The following ABCC4 variants were observed in gnomAD, a reference collection of about 807,000 sequenced individuals.
ABCC4 encodes ATP-binding cassette sub-family C member 4.
ABCC4 carries 102 observed loss-of-function variants against 168.5 expected under a neutral mutation model. That is an observed-to-expected ratio of 0.61 (90% CI 0.52 to 0.71). The LOEUF is 0.71. ABCC4 is among the 30% of genes least tolerant of loss of function. ABCC4 has a pLI of 0.00. For synonymous variants in ABCC4, 617 were observed against 590.7 expected, an observed-to-expected ratio of 1.04 and a Z score of -0.65; for missense variants, 1,402 against 1,605.8, an observed-to-expected ratio of 0.87 and a Z score of 2.17.
At chr13:95,122,861 T>C (rs1013512369) in intron 19 of ABCC4, among the ~76,000 whole-genome samples, 2 of 152,176 alleles carry the variant, frequency 1.3e-5, no homozygotes, top group African/African-American at 2.4e-5. Context: ...CTACCAAAAA[T>C]ACAAAACTTA....
intron 19 of ABCC4, among the ~76,000 whole-genome samples, chr13:95,139,041 T>C (rs1326650078): frequency 6.6e-6 from 1 of 152,218 alleles, no homozygotes; most frequent in East Asian, 1.9e-4. Flanking sequence ...GGCCTCTCCT[T>C]CCACGGAGCC....
At chr13:95,210,306 C>G (rs1014621186) in intron 5 of ABCC4, among the ~76,000 whole-genome samples, 2 of 152,176 alleles carry the variant, frequency 1.3e-5, no homozygotes, top group Non-Finnish European at 2.9e-5. Context: ...AGGCGTGATC[C>G]CTTCTCTACA....
chr13:95,177,947 T>C (rs2037762955), intron 12 of ABCC4, 50 bp downstream of exon 12: 1 of 1,584,900 alleles, frequency 6.3e-7, no homozygotes, highest in South Asian at 1.1e-5. Context: ...TCACCACCAC[T>C]GGAAGGTATC....
chr13:95,179,983 C>G (rs2037835307), intron 11 of ABCC4, among the ~76,000 whole-genome samples: 1 of 152,164 alleles, frequency 6.6e-6, no homozygotes, highest in Admixed American at 6.5e-5. Context: ...CTATTGATGA[C>G]TATGACATAT....
Position 95,038,708 on chromosome 13 carries a change from C to T in ABCC4, c.3736-3969G>A, listed in dbSNP as rs183412742. On this transcript the variant is annotated intron_variant, in intron 29 of 30. Coordinates refer to ENST00000645237, the MANE Select transcript of ABCC4 (RefSeq NM_005845.5). Reference sequence around the variant, plus strand: ...CTCCATGGCCTGGCATTGCACATGACGTGTGAGCAGGCACCCCATGCACAC... The same window carrying T: ...CTCCATGGCCTGGCATTGCACATGATGTGTGAGCAGGCACCCCATGCACAC... 4.5e-4 allele frequency among the ~76,000 whole-genome samples: 68 copies of T among 152,272 alleles called. No individual in the cohort carries two copies. The East Asian group carries it at 8.7e-3, about 19-fold the overall frequency.
intron 13 of ABCC4, among the ~76,000 whole-genome samples, chr13:95,173,909 C>T (rs1383478578): frequency 6.6e-6 from 1 of 152,192 alleles, no homozygotes; most frequent in South Asian, 2.1e-4. Flanking sequence ...TGAACCAGAG[C>T]GTGAGCCCTC....
intron 19 of ABCC4, among the ~76,000 whole-genome samples, chr13:95,154,647 A>G (rs567315919): frequency 6.6e-6 from 1 of 152,356 alleles, no homozygotes; most frequent in South Asian, 2.1e-4. Flanking sequence ...CTGTGTCAAA[A>G]CAACACCTAC....
chr13:95,288,974 C>T (rs1173573082), intron 1 of ABCC4, among the ~76,000 whole-genome samples: 1 of 152,150 alleles, frequency 6.6e-6, no homozygotes, highest in Admixed American at 6.5e-5. Flanking sequence ...ATTGAGAGCT[C>T]TCCAGGCCCA....
At chr13:95,168,899 T>A (rs1757998824) in intron 14 of ABCC4, among the ~76,000 whole-genome samples, 1 of 152,188 alleles carries the variant, frequency 6.6e-6, no homozygotes, top group African/African-American at 2.4e-5. Context: ...TGTGGCCTTT[T>A]TTTTCAAAAC....
At chr13:95,153,065 G>A (rs919353811) in intron 19 of ABCC4, among the ~76,000 whole-genome samples, 1 of 152,132 alleles carries the variant, frequency 6.6e-6, no homozygotes, top group Non-Finnish European at 1.5e-5. Flanking sequence ...ACTGCAAGTG[G>A]CTAATGGAAT....
chr13:95,066,800 T>C (rs2139297596), intron 25 of ABCC4, among the ~76,000 whole-genome samples: 1 of 152,344 alleles, frequency 6.6e-6, no homozygotes, highest in East Asian at 1.9e-4. Flanking sequence ...TGGCTCTGTA[T>C]TCCCTTGGTG....
intron 6 of ABCC4, 120 bp downstream of exon 6, chr13:95,209,314 G>T: frequency 8.4e-7 from 1 of 1,197,308 alleles, no homozygotes; most frequent in Non-Finnish European, 1.2e-6. Context: ...CTGAAGAGCT[G>T]CAACATATGC....
chr13:95,098,549 C>G (rs1292924973), intron 20 of ABCC4, among the ~76,000 whole-genome samples: 1 of 152,122 alleles, frequency 6.6e-6, no homozygotes, highest in Non-Finnish European at 1.5e-5. Context: ...AGATTATGAA[C>G]AGTTTCATGC....
At chr13:95,075,275 A>G in intron 22 of ABCC4, 157 bp downstream of exon 22, 1 of 937,342 alleles carries the variant, frequency 1.1e-6, no homozygotes, top group Non-Finnish European at 1.6e-6. Flanking sequence ...CCAAGCCCAG[A>G]AGAAGGGGAT....
At chr13:95,196,634 A>G (rs867649615) in intron 8 of ABCC4, among the ~76,000 whole-genome samples, 13 of 8,314 alleles carry the variant, frequency 1.6e-3, no homozygotes, top group East Asian at 3.8e-3. Context: ...GGAAGGAAGG[A>G]AGGAAGGAAG....
At chr13:95,074,120 TGTA>T in intron 23 of ABCC4, 91 bp downstream of exon 23, 1 of 927,866 alleles carries the variant, frequency 1.1e-6, no homozygotes, top group Non-Finnish European at 1.6e-6. Context: ...CCAAACAGTA[TGTA>T]GTAGTAGACA....
intron 8 of ABCC4, among the ~76,000 whole-genome samples, chr13:95,200,450 G>A (rs891092301): frequency 6.6e-6 from 1 of 152,156 alleles, no homozygotes; most frequent in Non-Finnish European, 1.5e-5. Context: ...TGGGCTGAGC[G>A]CAATGGCTCA....
chr13:95,160,208 T>C (rs112571833), intron 19 of ABCC4, among the ~76,000 whole-genome samples: 6 of 152,312 alleles, frequency 3.9e-5, no homozygotes, highest in African/African-American at 1.4e-4. Context: ...CTTGGAGACT[T>C]GCCTGTGTAA....
chr13:95,191,088 G>A (rs1230465598), intron 9 of ABCC4, among the ~76,000 whole-genome samples: 1 of 152,206 alleles, frequency 6.6e-6, no homozygotes, highest in African/African-American at 2.4e-5. Context: ...TAAAGACACT[G>A]AGCTGGCGCA....
Sources: allele counts gnomAD v4.1 joint callset (sites outside exome capture counted in the v4.1 genomes callset), GRCh38; gene constraint gnomAD v4.1.1; transcripts MANE v1.5; gene names NCBI Gene and HGNC (gene_info 2026-07-23, HGNC 2026-07-21).